The following ST14 variants were observed in gnomAD, a reference collection of about 807,000 sequenced individuals.
ST14 encodes the protein ST14 transmembrane serine protease matriptase, also known as suppressor of tumorigenicity 14 protein.
A neutral mutation model predicts 96.5 loss-of-function variants in ST14; 40 were observed. That is an observed-to-expected ratio of 0.41 (90% CI 0.32 to 0.54). ST14 has a LOEUF of 0.54. Among genes scored for constraint, ST14 ranks in the 20% least tolerant of loss-of-function variants. The probability of loss-of-function intolerance (pLI) is 0.17; values close to 1 mark genes in which losing one functional copy is unlikely to be tolerated. For missense variants in ST14, 1,066 were observed against 1,188.9 expected, an observed-to-expected ratio of 0.90 and a Z score of 1.52; for synonymous variants, 506 against 492.1, an observed-to-expected ratio of 1.03 and a Z score of -0.37.
chr11:130,185,209 A>G (rs1953226500), intron 1 of ST14, among the ~76,000 whole-genome samples: 1 of 152,246 alleles, frequency 6.6e-6, no homozygotes, highest in Admixed American at 6.5e-5. Context: ...TGAAAGAGGA[A>G]AATTCAAAGA....
chr11:130,168,609 G>T (rs1260616588), intron 1 of ST14, among the ~76,000 whole-genome samples: 6 of 152,206 alleles, frequency 3.9e-5, no homozygotes. Context: ...GTCTCGCGAG[G>T]ATGAGAGGTG....
intron 11 of ST14, 44 bp downstream of exon 11, chr11:130,196,744 C>G: frequency 6.2e-7 from 1 of 1,613,896 alleles, no homozygotes; most frequent in Non-Finnish European, 8.5e-7. Context: ...GGGCCTGCAC[C>G]GCATGTTCTG....
intron 1 of ST14, among the ~76,000 whole-genome samples, chr11:130,182,857 G>A (rs1488571849): frequency 6.6e-6 from 1 of 151,752 alleles, no homozygotes; most frequent in Admixed American, 6.6e-5. Context: ...CCCCATGTTG[G>A]CCAGGCTGGT....
intron 13 of ST14, 34 bp downstream of exon 13, chr11:130,198,452 G>A: frequency 1.2e-6 from 2 of 1,613,400 alleles, no homozygotes; most frequent in Middle Eastern, 1.7e-4. Flanking sequence ...TGGGCGGGCA[G>A]GTGGGCGGGG....
intron 9 of ST14, among the ~76,000 whole-genome samples, chr11:130,195,876 G>A (rs858711): frequency 3.4e-5 from 5 of 147,920 alleles, no homozygotes; most frequent in African/African-American, 7.5e-5. Context: ...AAGAAAAGAG[G>A]CTGGGTGTGG....
At chr11:130,176,304 G>C (rs576882873) in intron 1 of ST14, among the ~76,000 whole-genome samples, 2 of 151,648 alleles carry the variant, frequency 1.3e-5, no homozygotes, top group East Asian at 3.9e-4. Context: ...TAAGTTCTCT[G>C]CAGGGGGTTC....
intron 1 of ST14, among the ~76,000 whole-genome samples, chr11:130,166,525 G>T (rs1953043042): frequency 6.6e-6 from 1 of 152,218 alleles, no homozygotes. Flanking sequence ...TAACAGCTCA[G>T]ATGAGGACTT....
chr11:130,171,296 A>T (rs1217722662), intron 1 of ST14, among the ~76,000 whole-genome samples: 1 of 152,214 alleles, frequency 6.6e-6, no homozygotes, highest in African/African-American at 2.4e-5. Context: ...ATTTATTTAT[A>T]ATAATAATTA....
chr11:130,177,905 G>A (rs1953156237), intron 1 of ST14, among the ~76,000 whole-genome samples: 3 of 152,198 alleles, frequency 2.0e-5, no homozygotes, highest in African/African-American at 4.8e-5. Flanking sequence ...TCTCATGAGC[G>A]GTGCGAGGTC....
In ST14 at chr11:130,189,806, G is replaced by A. The variant is rs150984123; in HGVS notation, c.508G>A (p.Glu170Lys). 2.9e-3 allele frequency: 4,701 copies of A among 1,613,876 alleles called. 9 individuals are homozygous for A. Among genetic ancestry groups the A allele is most frequent in the Non-Finnish European group, 3.6e-3 (4,213 of 1,179,960 alleles). ...CCCGCAGCACCTGGTGGAGGAGGCC[G>A]AGCGCGTCATGGCCGAGGAGCGCGT... ...SIPQHLVEEA[E>K]RVMAEERVVM... The change falls in exon 5 of 19, where the codon GAG (glutamate) becomes AAG (lysine). Residue 170 changes from glutamate (E) to lysine (K), a missense_variant. Transcript: ENST00000278742.
At chr11:130,179,581 T>G (rs1054326821) in intron 1 of ST14, among the ~76,000 whole-genome samples, 6 of 152,188 alleles carry the variant, frequency 3.9e-5, no homozygotes, top group Non-Finnish European at 8.8e-5. Flanking sequence ...GACCGCCTGC[T>G]CTGTGCACAG....
chr11:130,169,101 T>G (rs1682420111), intron 1 of ST14, among the ~76,000 whole-genome samples: 2 of 142,956 alleles, frequency 1.4e-5, no homozygotes, highest in African/African-American at 2.6e-5. Context: ...GGTTTTTTTT[T>G]TTTTTTTTTT....
intron 1 of ST14, among the ~76,000 whole-genome samples, chr11:130,175,363 C>G (rs1953126659): frequency 6.6e-6 from 1 of 151,652 alleles, no homozygotes; most frequent in Non-Finnish European, 1.5e-5. Flanking sequence ...CTTTTCCTCT[C>G]TCTCTTTCTC....
intron 1 of ST14, among the ~76,000 whole-genome samples, chr11:130,169,235 C>G (rs1045880221): frequency 1.1e-4 from 16 of 151,734 alleles, no homozygotes; most frequent in African/African-American, 3.9e-4. Flanking sequence ...GCTGGGACTA[C>G]AGGTGTGTGC....
chr11:130,206,965 C>G lies in ST14; in HGVS notation c.1995-1445C>G, dbSNP rs528345923. Among the ~76,000 whole-genome samples the G allele has an allele frequency of 2.6e-5, 4 of 152,254 alleles. No homozygotes were observed. In the South Asian group the frequency reaches 8.3e-4, roughly 32 times the overall value. ...ACTCAGGGTGGACTGATGGATTACC[C>G]CACCCTTTTTTATTATTCCACCTGT... On this transcript the variant is annotated intron_variant, in intron 16 of 18. Transcript: ENST00000278742.
At chr11:130,197,484 C>T (rs916666637) in intron 11 of ST14, among the ~76,000 whole-genome samples, 2 of 152,366 alleles carry the variant, frequency 1.3e-5, no homozygotes, top group East Asian at 1.9e-4. Flanking sequence ...ACAGGCGGGG[C>T]CTGGCCCTCA....
At chr11:130,182,446 C>A (rs938708303) in intron 1 of ST14, among the ~76,000 whole-genome samples, 1 of 151,912 alleles carries the variant, frequency 6.6e-6, no homozygotes, top group Non-Finnish European at 1.5e-5. Flanking sequence ...CCTCAACCTC[C>A]CGAGTAGCCA....
In ST14 at chr11:130,188,637, G is replaced by A. The variant is rs1953262931; in HGVS notation, c.349G>A (p.Ala117Thr). ...CAACTCCACTGAGTTTGTAAGCCTGGCCAGCAAGGTGAAGGACGCGGTGAG... is the reference window on the plus strand; with the variant it reads ...CAACTCCACTGAGTTTGTAAGCCTGACCAGCAAGGTGAAGGACGCGGTGAG... ...NSNSTEFVSL[A>T]SKVKDALKLL... is the part of the protein sequence containing the mutation. The change falls in exon 3 of 19, where the codon GCC (alanine) becomes ACC (threonine). Residue 117 changes from alanine to threonine, a missense_variant. Coordinates refer to ENST00000278742, the MANE Select transcript of ST14 (RefSeq NM_021978.4). This position sits in a 1 kb window ranked among gnomAD's most constrained non-coding sequence, Gnocchi z 5.4. 7 of 1,614,218 alleles carry A rather than the reference G, an allele frequency of 4.3e-6. No individual in the cohort carries two copies. Among genetic ancestry groups the A allele is most frequent in the Non-Finnish European group, 5.9e-6 (7 of 1,180,032 alleles).
intron 9 of ST14, among the ~76,000 whole-genome samples, chr11:130,195,398 T>A (rs555903500): frequency 6.6e-6 from 1 of 152,120 alleles, no homozygotes; most frequent in East Asian, 1.9e-4. Context: ...TTGCTGAAGC[T>A]CCCTGGGCCT....
Sources: allele counts gnomAD v4.1 joint callset (sites outside exome capture counted in the v4.1 genomes callset), GRCh38; gene constraint gnomAD v4.1.1; non-coding constraint Gnocchi (gnomAD v3.1); transcripts MANE v1.5; gene names NCBI Gene and HGNC (gene_info 2026-07-23, HGNC 2026-07-21).